Variants in CPED1 observed in about 807,000 individuals in gnomAD.
The protein encoded by CPED1 is cadherin like and PC-esterase domain containing 1, also known as cadherin-like and PC-esterase domain-containing protein 1.
In CPED1, 114 loss-of-function variants were observed where a neutral mutation model predicts 128.2. The ratio of observed to expected loss-of-function variants is 0.89; its 90% CI spans 0.76 to 1.04. The LOEUF (loss-of-function observed/expected upper bound fraction) is 1.04, where lower values mean the gene tolerates loss of function less well. CPED1 is among the 50% of genes least tolerant of loss of function. The probability of loss-of-function intolerance (pLI) is 0.00; values close to 1 mark genes in which losing one functional copy is unlikely to be tolerated. For synonymous variants in CPED1, 462 were observed against 426.7 expected (o/e 1.08, Z -1.02); for missense variants, 1,211 against 1,207.1 (o/e 1.00, Z -0.05).
intron 7 of CPED1, among the ~76,000 whole-genome samples, chr7:121,117,100 A>ATAAATAT (rs1450957943): frequency 4.2e-5 from 3 of 70,650 alleles, no homozygotes; most frequent in African/African-American, 1.4e-4. Context: ...TATATATATA[A>ATAAATAT]ATATATATAT....
At chr7:121,220,948 C>A (rs1251659666) in intron 16 of CPED1, among the ~76,000 whole-genome samples, 1 of 151,774 alleles carries the variant, frequency 6.6e-6, no homozygotes, top group East Asian at 1.9e-4. Context: ...TTATATATAT[C>A]TCCATATCTT....
chr7:121,128,359 G>A (rs756825510), intron 10 of CPED1, 23 bp from the exon 11 acceptor site: 1 of 1,318,300 alleles, frequency 7.6e-7, no homozygotes. Context: ...AATTGCTTAA[G>A]TTCTTTCCCC....
chr7:121,017,149 T>G (rs1792324800), intron 3 of CPED1, among the ~76,000 whole-genome samples: 1 of 152,102 alleles, frequency 6.6e-6, no homozygotes, highest in Middle Eastern at 3.2e-3. Flanking sequence ...AGAAAGAAGG[T>G]CTTAAAATAC....
chr7:121,080,546 A>G (rs1202805761), intron 5 of CPED1, among the ~76,000 whole-genome samples: 2 of 152,198 alleles, frequency 1.3e-5, no homozygotes, highest in Admixed American at 6.5e-5. Flanking sequence ...AGACTGAGTT[A>G]AGGGTACAGA....
At chr7:121,004,095 C>T (rs1791941361) in intron 2 of CPED1, among the ~76,000 whole-genome samples, 2 of 152,088 alleles carry the variant, frequency 1.3e-5, no homozygotes, top group South Asian at 2.1e-4. Context: ...GAAGTGGAGC[C>T]GATCTTTACT....
chr7:121,151,968 G>T (rs999881252), intron 16 of CPED1, among the ~76,000 whole-genome samples: 1 of 152,200 alleles, frequency 6.6e-6, no homozygotes, highest in Non-Finnish European at 1.5e-5. Flanking sequence ...CTACAGGCTG[G>T]TTTGATATAT....
intron 2 of CPED1, among the ~76,000 whole-genome samples, chr7:121,000,241 C>A (rs544257187): frequency 6.6e-6 from 1 of 152,086 alleles, no homozygotes; most frequent in Non-Finnish European, 1.5e-5. Context: ...ATAGGATTTA[C>A]GTTCTGTGGC....
intron 3 of CPED1, 43 bp from the exon 4 acceptor site, chr7:121,046,844 T>G (rs1160907611): frequency 7.9e-7 from 1 of 1,265,900 alleles, no homozygotes; most frequent in Non-Finnish European, 1.1e-6. Context: ...TTTTAAAATA[T>G]CTGATGAAAA....
At chr7:121,090,236 C>T (rs1285920104) in intron 5 of CPED1, among the ~76,000 whole-genome samples, 1 of 152,214 alleles carries the variant, frequency 6.6e-6, no homozygotes, top group Non-Finnish European at 1.5e-5. Flanking sequence ...TGTACAATGA[C>T]TACCCCTTTA....
intron 5 of CPED1, among the ~76,000 whole-genome samples, chr7:121,077,247 T>C (rs1340442815): frequency 6.6e-6 from 1 of 152,220 alleles, no homozygotes; most frequent in Non-Finnish European, 1.5e-5. Context: ...TTCTTCTTTT[T>C]CTTTCCTGTA....
chr7:120,999,466 TATCCTC>T (rs1321471269), intron 2 of CPED1, among the ~76,000 whole-genome samples: 1 of 152,184 alleles, frequency 6.6e-6, no homozygotes, highest in African/African-American at 2.4e-5. Flanking sequence ...TCTTCTTTCT[TATCCTC>T]ATTGTCACCA....
intron 22 of CPED1, among the ~76,000 whole-genome samples, chr7:121,273,166 C>T (rs1015702727): frequency 1.3e-5 from 2 of 151,916 alleles, no homozygotes; most frequent in Non-Finnish European, 2.9e-5. Flanking sequence ...TGGGTTGACT[C>T]GTGAGGTGAC....
At chr7:121,074,518 T>TG (rs59906493) in intron 5 of CPED1, among the ~76,000 whole-genome samples, 1 of 143,100 alleles carries the variant, frequency 7.0e-6, no homozygotes, top group African/African-American at 2.6e-5. Flanking sequence ...TGTTTTTTTT[T>TG]TTTTTTTTTG....
chr7:121,004,292 G>A lies in CPED1; in HGVS notation c.250-11373G>A, dbSNP rs1791947513. Among the ~76,000 whole-genome samples the A allele has an allele frequency of 3.3e-5, 5 of 152,162 alleles. No individual in the cohort carries two copies. In the South Asian group the frequency reaches 1.0e-3, roughly 31 times the overall value. ...TGCATGGGATTGACAATGTTAAACAGTTGAAATGGGCTTAGAACCTATCCT... is the reference window on the plus strand; with the variant it reads ...TGCATGGGATTGACAATGTTAAACAATTGAAATGGGCTTAGAACCTATCCT... On this transcript the variant is annotated intron_variant, in intron 2 of 22. Coordinates refer to ENST00000310396, the MANE Select transcript of CPED1 (RefSeq NM_024913.5).
At chr7:121,188,260 A>T (rs1797049811) in intron 16 of CPED1, among the ~76,000 whole-genome samples, 1 of 152,166 alleles carries the variant, frequency 6.6e-6, no homozygotes, top group Non-Finnish European at 1.5e-5. Flanking sequence ...TGGATGTTCA[A>T]TCCAAATTTA....
At chr7:121,197,751 G>A (rs763686946) in intron 16 of CPED1, among the ~76,000 whole-genome samples, 11 of 152,086 alleles carry the variant, frequency 7.2e-5, no homozygotes, top group Non-Finnish European at 1.3e-4. Flanking sequence ...GAGAGCCGTG[G>A]AACTGACTTG....
rs143139694 is a variant in CPED1, at chr7:121,185,162, A to G, written c.2055+43021A>G. ...AAGCAGAATCAAATTCTCCAGGTTA[A>G]TAGCATCAGTTCTGTGTGTGAAGAA... On this transcript the variant is annotated intron_variant, in intron 16 of 22. Transcript: ENST00000310396. 7.0e-3 allele frequency among the ~76,000 whole-genome samples: 1,071 copies of G among 152,230 alleles called. 15 individuals carry two copies. The highest frequency in any genetic ancestry group is 0.025 in the African/African-American group (1,025 of 41,550).
chr7:121,036,505 A>ATTTTT (rs1176031261), intron 3 of CPED1, among the ~76,000 whole-genome samples: 1 of 135,514 alleles, frequency 7.4e-6, no homozygotes, highest in African/African-American at 3.0e-5. Context: ...ATATATATAT[A>ATTTTT]TATTTTTTTT....
chr7:121,281,192 C>A (rs1792456363), intron 22 of CPED1, among the ~76,000 whole-genome samples: 1 of 152,180 alleles, frequency 6.6e-6, no homozygotes, highest in Non-Finnish European at 1.5e-5. Flanking sequence ...ATCTGCCTGA[C>A]ACCTTTCCAG....
Sources: allele counts gnomAD v4.1 joint callset (sites outside exome capture counted in the v4.1 genomes callset), GRCh38; gene constraint gnomAD v4.1.1; transcripts MANE v1.5; gene names NCBI Gene and HGNC (gene_info 2026-07-23, HGNC 2026-07-21).